Variants in ABCB11 observed in about 807,000 individuals in gnomAD.
ABCB11 encodes the protein ATP binding cassette subfamily B member 11, also known as bile salt export pump.
In ABCB11, 95 loss-of-function variants were observed where a neutral mutation model predicts 148.0. The ratio of observed to expected loss-of-function variants is 0.64; its 90% confidence interval spans 0.54 to 0.76. The LOEUF (loss-of-function observed/expected upper bound fraction) is 0.76, where lower values mean the gene tolerates loss of function less well. Ranked by LOEUF, ABCB11 falls within the 30% of genes least tolerant of loss-of-function variation. The pLI is 0.00. For synonymous variants in ABCB11, 591 were observed against 555.4 expected, an observed-to-expected ratio of 1.06 and a Z score of -0.90; for missense variants, 1,523 against 1,617.8, an observed-to-expected ratio of 0.94 and a Z score of 1.01.
intron 19 of ABCB11, among the ~76,000 whole-genome samples, chr2:168,948,374 G>A (rs3898462): frequency 6.6e-6 from 1 of 151,706 alleles, no homozygotes; most frequent in African/African-American, 2.4e-5. Flanking sequence ...CTCCCTACTA[G>A]AATGTCAGCT....
chr2:168,963,643 T>C (rs1056967703), intron 18 of ABCB11, among the ~76,000 whole-genome samples: 14 of 151,818 alleles, frequency 9.2e-5, no homozygotes, highest in Non-Finnish European at 1.9e-4. Flanking sequence ...AAATTGATAG[T>C]ATTATTTTAA....
rs1691158742 is a variant in ABCB11, at chr2:168,923,427, A to C, written c.*195T>G. The C allele has an allele frequency of 1.6e-6, 1 of 626,986 alleles. No homozygotes were observed. The highest frequency in any genetic ancestry group is 1.8e-5 in the African/African-American group (1 of 54,222). 38.8% of individuals were successfully genotyped at this position (626,986 alleles called of 1,614,324 possible). A position where few individuals can be genotyped will look rare whatever the true frequency, so the allele number is the denominator to read the frequency against. Reference sequence around the variant, plus strand: ...TTTCATTTTCTGTATACACATCTAAAGCAGAATTATTATGGAAGGCCATTA... The same window carrying C: ...TTTCATTTTCTGTATACACATCTAACGCAGAATTATTATGGAAGGCCATTA... On this transcript the variant is annotated 3_prime_UTR_variant, in exon 28 of 28. Coordinates refer to ENST00000650372, the MANE Select transcript of ABCB11 (RefSeq NM_003742.4).
intron 1 of ABCB11, among the ~76,000 whole-genome samples, chr2:169,030,904 C>T (rs1292604889): frequency 6.6e-6 from 1 of 152,216 alleles, no homozygotes; most frequent in Admixed American, 6.5e-5. Flanking sequence ...AAGAAGCCCA[C>T]TGGTATTTTT....
chr2:168,917,904 C>A (rs117755530), downstream of ABCB11, among the ~76,000 whole-genome samples: 1 of 152,284 alleles, frequency 6.6e-6, no homozygotes, highest in African/African-American at 2.4e-5. Flanking sequence ...AATGTAAATG[C>A]ACCTCAGATT....
At chr2:168,999,231 T>C (rs1694804438) in intron 5 of ABCB11, among the ~76,000 whole-genome samples, 1 of 151,998 alleles carries the variant, frequency 6.6e-6, no homozygotes, top group Admixed American at 6.6e-5. Context: ...ACATGAGGAC[T>C]TATTTTGCTT....
chr2:168,992,809 T>C (rs188939872), intron 8 of ABCB11, among the ~76,000 whole-genome samples: 33 of 152,142 alleles, frequency 2.2e-4, no homozygotes, highest in Non-Finnish European at 3.2e-4. Flanking sequence ...CTGGGAAATG[T>C]TTGAATAATG....
intron 8 of ABCB11, among the ~76,000 whole-genome samples, chr2:168,992,512 C>T (rs1179855435): frequency 6.6e-6 from 1 of 152,086 alleles, no homozygotes; most frequent in Admixed American, 6.6e-5. Context: ...GGAAAGACTG[C>T]CGTAAAACTT....
intron 19 of ABCB11, among the ~76,000 whole-genome samples, chr2:168,957,476 A>ACTT (rs546460538): frequency 6.6e-5 from 10 of 151,632 alleles, no homozygotes; most frequent in Admixed American, 2.0e-4. Flanking sequence ...GCCTTATTTT[A>ACTT]CTTCTGTCTT....
intron 5 of ABCB11, among the ~76,000 whole-genome samples, chr2:168,998,594 TAAC>T (rs1694786218): frequency 1.7e-5 from 2 of 119,282 alleles, no homozygotes; most frequent in African/African-American, 5.7e-5. Flanking sequence ...ATTAAAATGA[TAAC>T]AATAAATAAC....
chr2:168,925,070 C>T (rs1329123390), intron 26 of ABCB11, among the ~76,000 whole-genome samples: 1 of 152,128 alleles, frequency 6.6e-6, no homozygotes, highest in Non-Finnish European at 1.5e-5. Flanking sequence ...CAATCTCCTT[C>T]TCCCTGTGTC....
chr2:168,967,649 T>A (rs1693376315), intron 17 of ABCB11, among the ~76,000 whole-genome samples: 2 of 151,840 alleles, frequency 1.3e-5, no homozygotes, highest in African/African-American at 4.8e-5. Flanking sequence ...ATCATAGAGA[T>A]ATTGCTACCA....
At chr2:168,990,672 C>T (rs35442846) in intron 9 of ABCB11, 129 bp downstream of exon 9, 4 of 1,171,804 alleles carry the variant, frequency 3.4e-6, no homozygotes, top group Non-Finnish European at 4.9e-6. Flanking sequence ...GCTTAGCTCC[C>T]TCTTGAACAA....
intron 5 of ABCB11, among the ~76,000 whole-genome samples, chr2:169,011,824 G>A (rs1383243222): frequency 6.6e-6 from 1 of 152,072 alleles, no homozygotes; most frequent in Non-Finnish European, 1.5e-5. Flanking sequence ...ACAAAGCCAA[G>A]CTATTTTTTA....
rs887581211 is a variant in ABCB11 at position 168,923,297 on chromosome 2, T to G, written c.*325A>C. The stretch of plus-strand genomic sequence containing the variant: ...TGTCACTTACTCCCTGATGTCTCAC[T>G]AATTCCCACATATTAATCAGGACTG... On this transcript the variant is annotated 3_prime_UTR_variant, in exon 28 of 28. Transcript: ENST00000650372. 1 of 382,526 alleles carries G rather than the reference T, an allele frequency of 2.6e-6. No homozygotes were observed. The highest frequency in any genetic ancestry group is 4.7e-6 in the Non-Finnish European group (1 of 211,276). The allele number at this position is 382,526 out of a possible 1,614,324, so 23.7% of individuals were successfully genotyped here.
intron 1 of ABCB11, among the ~76,000 whole-genome samples, chr2:169,030,993 T>C (rs569105379): frequency 2.6e-5 from 4 of 152,324 alleles, no homozygotes; most frequent in African/African-American, 7.2e-5. Flanking sequence ...CTCTAAGAGA[T>C]TGATACATGA....
At chr2:168,962,542 G>C (rs1693123442) in intron 18 of ABCB11, among the ~76,000 whole-genome samples, 1 of 151,444 alleles carries the variant, frequency 6.6e-6, no homozygotes, top group Non-Finnish European at 1.5e-5. Flanking sequence ...GAAAAAGTCA[G>C]ATTTTCCTTC....
intron 21 of ABCB11, among the ~76,000 whole-genome samples, chr2:168,944,149 A>C (rs1454467689): frequency 6.6e-6 from 1 of 151,948 alleles, no homozygotes; most frequent in East Asian, 1.9e-4. Context: ...AAAATCGTTT[A>C]TTTCTTTCCC....
chr2:168,967,528 T>C (rs1272220982), intron 17 of ABCB11, among the ~76,000 whole-genome samples: 3 of 151,946 alleles, frequency 2.0e-5, no homozygotes, highest in Non-Finnish European at 2.9e-5. Context: ...CTGAATGTTT[T>C]AAGGCTCTTT....
chr2:168,994,467 C>T (rs189322395), intron 7 of ABCB11, among the ~76,000 whole-genome samples: 25 of 152,146 alleles, frequency 1.6e-4, no homozygotes, highest in Middle Eastern at 3.4e-3. Context: ...GTTACTTAAC[C>T]TTTTTGTGGC....
Sources: gnomAD v4.1 joint callset for allele counts (sites outside exome capture counted in the v4.1 genomes callset) on GRCh38, gnomAD v4.1.1 for gene constraint, MANE v1.5 for transcripts, NCBI Gene and HGNC (gene_info 2026-07-23, HGNC 2026-07-21) for gene names.